CDH2: variants seen among roughly 807,000 people sequenced by gnomAD.
CDH2 encodes cadherin-2.
In CDH2, 17 loss-of-function variants were observed where a neutral mutation model predicts 92.0. That is an observed-to-expected ratio of 0.18 (90% confidence interval 0.13 to 0.28). The LOEUF is 0.28. CDH2 is among the 10% of genes least tolerant of loss of function. The probability of loss-of-function intolerance (pLI) is 1.00; values close to 1 mark genes in which losing one functional copy is unlikely to be tolerated. For missense variants in CDH2, 862 were observed against 1,133.1 expected (o/e 0.76, Z 3.44); for synonymous variants, 419 against 415.9 (o/e 1.01, Z -0.09).
At chr18:28,102,967 A>G (rs1194953719) in intron 2 of CDH2, among the ~76,000 whole-genome samples, 3 of 151,884 alleles carry the variant, frequency 2.0e-5, no homozygotes, top group Admixed American at 6.6e-5. Flanking sequence ...CTTCTTACGT[A>G]TATCTGTGCT....
chr18:27,949,039 A>C (rs183880513), downstream of CDH2, among the ~76,000 whole-genome samples: 85 of 152,038 alleles, frequency 5.6e-4, 1 homozygote, highest in African/African-American at 2.0e-3. Flanking sequence ...CATGTTGATA[A>C]ATGTATAGTT....
At chr18:28,020,112 T>C (rs1364975905) in intron 2 of CDH2, among the ~76,000 whole-genome samples, 1 of 152,126 alleles carries the variant, frequency 6.6e-6, no homozygotes, top group Non-Finnish European at 1.5e-5. Context: ...TTATTGCCTG[T>C]TGTCTGGTTC....
intron 6 of CDH2, 51 bp downstream of exon 6, chr18:28,005,798 T>C (rs1247061420): frequency 7.0e-7 from 1 of 1,423,498 alleles, no homozygotes; most frequent in South Asian, 1.4e-5. Flanking sequence ...ACAGGGCTGG[T>C]TACACCATAC....
At chr18:28,027,114 A>G (rs531952604) in intron 2 of CDH2, among the ~76,000 whole-genome samples, 27 of 152,290 alleles carry the variant, frequency 1.8e-4, no homozygotes, top group Non-Finnish European at 3.8e-4. Flanking sequence ...AGAGTCATCC[A>G]TATCTACAAT....
At chr18:28,153,436 G>A (rs1455791329) in intron 1 of CDH2, among the ~76,000 whole-genome samples, 1 of 152,188 alleles carries the variant, frequency 6.6e-6, no homozygotes, top group African/African-American at 2.4e-5. Context: ...TATCAAGAAA[G>A]TCTAATGAGA....
chr18:28,085,694 T>A (rs1192645311), intron 2 of CDH2, among the ~76,000 whole-genome samples: 1 of 152,166 alleles, frequency 6.6e-6, no homozygotes, highest in Non-Finnish European at 1.5e-5. Context: ...ACACATCGGA[T>A]GGAAATCTTC....
At chr18:28,018,713 G>C (rs1363678731) in intron 2 of CDH2, among the ~76,000 whole-genome samples, 1 of 151,906 alleles carries the variant, frequency 6.6e-6, no homozygotes, top group Admixed American at 6.6e-5. Context: ...CTTTTACACT[G>C]CTGGTAGGAA....
chr18:28,132,985 C>T (rs147553158), intron 2 of CDH2, among the ~76,000 whole-genome samples: 57 of 152,278 alleles, frequency 3.7e-4, no homozygotes, highest in African/African-American at 1.3e-3. Context: ...AAATCTTCCT[C>T]CCATGTCAAA....
chr18:28,148,268 A>G (rs548330723), intron 1 of CDH2, among the ~76,000 whole-genome samples: 14 of 152,328 alleles, frequency 9.2e-5, no homozygotes, highest in African/African-American at 3.4e-4. Flanking sequence ...ATATACTTAC[A>G]ACAGTGGGAC....
chr18:27,957,820 A>G (rs892625122), intron 15 of CDH2, among the ~76,000 whole-genome samples: 2 of 152,202 alleles, frequency 1.3e-5, no homozygotes, highest in East Asian at 3.9e-4. Flanking sequence ...TTACAGTAGA[A>G]CTGAACATAT....
At chr18:28,123,267 T>C (rs774495169) in intron 2 of CDH2, among the ~76,000 whole-genome samples, 1 of 152,132 alleles carries the variant, frequency 6.6e-6, no homozygotes, top group South Asian at 2.1e-4. Context: ...TGCATACAAA[T>C]GTATCTGTAG....
intron 14 of CDH2, among the ~76,000 whole-genome samples, chr18:27,972,310 G>A (rs1362789045): frequency 2.6e-5 from 4 of 152,088 alleles, no homozygotes; most frequent in Non-Finnish European, 5.9e-5. Flanking sequence ...ATAAGCTGTG[G>A]CTATGAGCCT....
intron 1 of CDH2, among the ~76,000 whole-genome samples, chr18:28,160,753 G>A (rs1036563217): frequency 3.9e-5 from 6 of 152,142 alleles, no homozygotes; most frequent in African/African-American, 1.4e-4. Flanking sequence ...GGAGACGAAG[G>A]GAAAGTCTCA....
rs201711817 is a variant in CDH2, at chr18:27,963,341, G to A, written c.2514+16C>T. 52 of 1,611,332 alleles carry A rather than the reference G, an allele frequency of 3.2e-5. No homozygotes were observed. The highest frequency in any genetic ancestry group is 1.7e-4 in the Middle Eastern group (1 of 6,036). On this transcript the variant is annotated intron_variant, in intron 15 of 15. Coordinates refer to ENST00000269141, the MANE Select transcript of CDH2 (RefSeq NM_001792.5). ...AAATGAAAACTCTTATAGAGAAAAC[G>A]AGTGTCTCTCTGTACCTCATTAATG...
intron 2 of CDH2, among the ~76,000 whole-genome samples, chr18:28,079,401 T>C (rs975038525): frequency 6.6e-6 from 1 of 152,242 alleles, no homozygotes; most frequent in Non-Finnish European, 1.5e-5. Flanking sequence ...GTCTTAGTCC[T>C]GTCTATAAAG....
intron 2 of CDH2, among the ~76,000 whole-genome samples, chr18:28,025,433 G>T (rs1245254419): frequency 6.6e-6 from 1 of 151,666 alleles, no homozygotes; most frequent in Non-Finnish European, 1.5e-5. Context: ...CAGGAGAATT[G>T]CTTGAATCTG....
intron 2 of CDH2, among the ~76,000 whole-genome samples, chr18:28,144,310 C>A (rs916769108): frequency 6.6e-6 from 1 of 151,712 alleles, no homozygotes; most frequent in African/African-American, 2.4e-5. Context: ...CCTAAACATA[C>A]AAAAATTGAT....
intron 2 of CDH2, among the ~76,000 whole-genome samples, chr18:28,127,712 T>G (rs1398942004): frequency 1.3e-5 from 2 of 152,092 alleles, no homozygotes; most frequent in Non-Finnish European, 2.9e-5. Context: ...GAGGTAGGGG[T>G]GCCTACAAGT....
chr18:27,968,286 A>G (rs1296770674), intron 14 of CDH2, among the ~76,000 whole-genome samples: 2 of 152,230 alleles, frequency 1.3e-5, no homozygotes, highest in Non-Finnish European at 2.9e-5. Flanking sequence ...TAAGCACGTC[A>G]AAAGATAACA....
Sources: allele counts gnomAD v4.1 joint callset (sites outside exome capture counted in the v4.1 genomes callset), GRCh38; gene constraint gnomAD v4.1.1; transcripts MANE v1.5; gene names NCBI Gene and HGNC (gene_info 2026-07-23, HGNC 2026-07-21).